Variants in CPNE5 observed in about 807,000 individuals in gnomAD.
The protein encoded by CPNE5 is copine 5.
In CPNE5, 42 loss-of-function variants were observed where a neutral mutation model predicts 81.1. The observed-to-expected ratio is 0.52, with a 90% CI of 0.40 to 0.67. CPNE5 has a LOEUF of 0.67. Ranked by LOEUF, CPNE5 falls within the 30% of genes least tolerant of loss-of-function variation. The pLI is 0.00. For synonymous variants in CPNE5, 313 were observed against 321.5 expected, an observed-to-expected ratio of 0.97 and a Z score of 0.28; for missense variants, 612 against 815.5, an observed-to-expected ratio of 0.75 and a Z score of 3.04.
intron 3 of CPNE5, among the ~76,000 whole-genome samples, chr6:36,804,155 CT>C (rs1377286917): frequency 6.6e-6 from 1 of 152,148 alleles, no homozygotes; most frequent in Non-Finnish European, 1.5e-5. Flanking sequence ...GAGCTGGGAC[CT>C]AAACCCAGGT....
At chr6:36,760,515 A>AG (rs1033748478) in intron 12 of CPNE5, among the ~76,000 whole-genome samples, 2 of 152,240 alleles carry the variant, frequency 1.3e-5, no homozygotes, top group Non-Finnish European at 2.9e-5. Context: ...AAGCCCCATA[A>AG]GGGGGGAGAT....
intron 3 of CPNE5, among the ~76,000 whole-genome samples, chr6:36,804,847 C>A (rs1770443125): frequency 6.6e-6 from 1 of 152,122 alleles, no homozygotes; most frequent in South Asian, 2.1e-4. Context: ...CCCCCAATAA[C>A]TCCTAGAGCA....
rs559571780 is a variant in CPNE5 at position 36,818,007 on chromosome 6, C to G, written c.183+4107G>C. 5.3e-5 allele frequency among the ~76,000 whole-genome samples: 8 copies of G among 152,288 alleles called. No individual in the cohort carries two copies. In the South Asian group the frequency reaches 1.5e-3, roughly 28 times the overall value. ...AACAGTGCAGGATGCTACTGGGCCC[C>G]TGGGTTATGTCTTCGCACGTCACTG... On this transcript the variant is annotated intron_variant, in intron 3 of 20. Transcript: ENST00000244751.
At chr6:36,783,029 C>T (rs1768185573) in intron 8 of CPNE5, among the ~76,000 whole-genome samples, 1 of 152,134 alleles carries the variant, frequency 6.6e-6, no homozygotes, top group South Asian at 2.1e-4. Flanking sequence ...AGGAGATGGC[C>T]TGTGTCACAT....
At chr6:36,811,289 G>C (rs1354879238) in intron 3 of CPNE5, among the ~76,000 whole-genome samples, 1 of 152,202 alleles carries the variant, frequency 6.6e-6, no homozygotes, top group Non-Finnish European at 1.5e-5. Flanking sequence ...AACATCGATA[G>C]CTCCTGCCAA....
At chr6:36,814,071 T>C (rs1771329481) in intron 3 of CPNE5, among the ~76,000 whole-genome samples, 1 of 152,224 alleles carries the variant, frequency 6.6e-6, no homozygotes. Context: ...CCCAGAGTTT[T>C]GGACATCAAG....
At chr6:36,808,427 T>C (rs960254592) in intron 3 of CPNE5, among the ~76,000 whole-genome samples, 1 of 152,096 alleles carries the variant, frequency 6.6e-6, no homozygotes, top group Non-Finnish European at 1.5e-5. Context: ...GGGCCCCTTC[T>C]TCCTCCTCAT....
At chr6:36,743,042 T>TG in intron 20 of CPNE5, 1 of 985,444 alleles carries the variant, frequency 1.0e-6, no homozygotes, top group Non-Finnish European at 1.2e-6. Flanking sequence ...CAGGTTGTCT[T>TG]GCTCTGGTTT....
At chr6:36,819,462 A>G (rs1449194682) in intron 3 of CPNE5, among the ~76,000 whole-genome samples, 1 of 152,104 alleles carries the variant, frequency 6.6e-6, no homozygotes, top group Non-Finnish European at 1.5e-5. Context: ...CACATGTTTC[A>G]TGAATAAAAT....
intron 13 of CPNE5, 134 bp from the exon 14 acceptor site, chr6:36,753,229 C>A (rs1166433234): frequency 4.6e-6 from 3 of 655,616 alleles, no homozygotes; most frequent in East Asian, 5.4e-5. Context: ...ACTGCCCACA[C>A]CACCCCATGA....
chr6:36,759,906 T>G (rs1765854454), intron 12 of CPNE5, among the ~76,000 whole-genome samples: 1 of 152,034 alleles, frequency 6.6e-6, no homozygotes. Flanking sequence ...ATGTGATGTG[T>G]GTTTTTATTT....
chr6:36,763,861 G>A (rs563307097), intron 11 of CPNE5, among the ~76,000 whole-genome samples: 24 of 150,164 alleles, frequency 1.6e-4, no homozygotes, highest in African/African-American at 5.0e-4. Context: ...CACAATGAGA[G>A]CGATGTCCAG....
At chr6:36,777,650 G>A (rs9470391) in intron 9 of CPNE5, among the ~76,000 whole-genome samples, 40,682 of 151,920 alleles carry the variant, frequency 0.27, 5,759 homozygotes, top group Non-Finnish European at 0.32. Context: ...TCATGCAAAT[G>A]ATCATACCTA....
intron 12 of CPNE5, chr6:36,757,281 A>G: frequency 6.1e-6 from 6 of 981,522 alleles, no homozygotes; most frequent in Non-Finnish European, 7.3e-6. Context: ...GGCAATTTTC[A>G]TACCTCCTGT....
At chr6:36,833,866 T>G (rs1773178542) in intron 1 of CPNE5, among the ~76,000 whole-genome samples, 1 of 152,124 alleles carries the variant, frequency 6.6e-6, no homozygotes, top group Non-Finnish European at 1.5e-5. Flanking sequence ...CCACTAAGTT[T>G]GTGGTAATTT....
intron 12 of CPNE5, among the ~76,000 whole-genome samples, chr6:36,761,242 T>G (rs1329297102): frequency 2.0e-5 from 3 of 152,242 alleles, no homozygotes; most frequent in Non-Finnish European, 2.9e-5. Flanking sequence ...CAAAGACAGC[T>G]TCTCTCTTTG....
intron 1 of CPNE5, among the ~76,000 whole-genome samples, chr6:36,828,953 C>G (rs1216554902): frequency 1.3e-5 from 2 of 152,196 alleles, no homozygotes; most frequent in Non-Finnish European, 2.9e-5. Context: ...TCCCCCCCTC[C>G]CAGGAGTTTT....
chr6:36,756,406 G>A, intron 12 of CPNE5, 108 bp from the exon 13 acceptor site: 2 of 883,188 alleles, frequency 2.3e-6, no homozygotes, highest in South Asian at 2.9e-5. Context: ...CCCCATTAGA[G>A]TGTGGGGTGT....
At chr6:36,775,608 A>G (rs948879801) in intron 9 of CPNE5, among the ~76,000 whole-genome samples, 2 of 152,104 alleles carry the variant, frequency 1.3e-5, no homozygotes, top group African/African-American at 4.8e-5. Context: ...CACTACCTTC[A>G]AACGCCATCT....
Sources: allele counts gnomAD v4.1 joint callset (sites outside exome capture counted in the v4.1 genomes callset), GRCh38; gene constraint gnomAD v4.1.1; transcripts MANE v1.5; gene names NCBI Gene and HGNC (gene_info 2026-07-23, HGNC 2026-07-21).